The following RNPEP variants were observed in gnomAD, a reference collection of about 807,000 sequenced individuals.
RNPEP encodes the protein arginyl aminopeptidase.
RNPEP carries 57 observed loss-of-function variants against 70.1 expected under a neutral mutation model. That is an observed-to-expected ratio of 0.81 (90% CI 0.66 to 1.01). The LOEUF is 1.01. Ranked by LOEUF, RNPEP falls within the 50% of genes least tolerant of loss-of-function variation. RNPEP has a pLI of 0.00. For synonymous variants in RNPEP, 335 were observed against 357.4 expected (o/e 0.94, Z 0.71); for missense variants, 787 against 852.4 (o/e 0.92, Z 0.96).
chr1:201,987,060 T>C (rs1348265816), intron 1 of RNPEP, among the ~76,000 whole-genome samples: 2 of 152,160 alleles, frequency 1.3e-5, no homozygotes, highest in African/African-American at 4.8e-5. Context: ...CGTAGCTTCC[T>C]TATGCCTCTT....
At position 201,988,949 on chromosome 1, in the gene RNPEP, T is replaced by C; in HGVS notation, c.493T>C (p.Phe165Leu). ...PEQTAGKKKPFVYTQGQAVLN... is the reference protein window; with the variant it reads ...PEQTAGKKKPLVYTQGQAVLN... Reference sequence around the variant, plus strand: ...GCAGACAGCAGGAAAGAAGAAGCCCTTCGTGTACACCCAGGGCCAGGCTGT... The same window carrying C: ...GCAGACAGCAGGAAAGAAGAAGCCCCTCGTGTACACCCAGGGCCAGGCTGT... Residue 165 changes from phenylalanine (F) to leucine (L), a missense_variant, in exon 2 of 11, where the codon TTC becomes CTC. Transcript: ENST00000295640. The C allele has an allele frequency of 1.2e-6, 2 of 1,613,870 alleles. No homozygotes were observed. The highest frequency in any genetic ancestry group is 8.5e-7 in the Non-Finnish European group (1 of 1,179,886).
In RNPEP at chr1:201,982,981, G is replaced by A. The variant is rs1682993410; in HGVS notation, c.315G>A (p.Ala105=). The change falls in exon 1 of 11, where the codon GCG becomes GCA. Residue 105 remains alanine (A), a synonymous_variant. Coordinates refer to ENST00000295640, the MANE Select transcript of RNPEP (RefSeq NM_020216.4). The part of the protein sequence containing the change: ...RERPGSEEPP[A]EPVSFYTQPF... ...GGCCCGGCTCGGAGGAGCCGCCTGC[G>A]GAGCCCGTGAGCTTCTACACGCAGC... is the stretch of plus-strand genomic sequence containing the variant. The A allele has an allele frequency of 1.3e-6, 2 of 1,511,142 alleles. No individual in the cohort carries two copies. The highest frequency in any genetic ancestry group is 1.5e-5 in the African/African-American group (1 of 68,790). The allele number at this position is 1,511,142 out of a possible 1,614,324, so 93.6% of individuals were successfully genotyped here. A position where few individuals can be genotyped will look rare whatever the true frequency, so the allele number is the denominator to read the frequency against.
chr1:201,999,799 C>A, intron 5 of RNPEP, 103 bp from the exon 6 acceptor site: 1 of 856,126 alleles, frequency 1.2e-6, no homozygotes, highest in Non-Finnish European at 1.9e-6. Context: ...TGTCGCTGTT[C>A]TTCTTGAGGC....
At chr1:201,995,949 T>A in intron 3 of RNPEP, 198 bp from the exon 4 acceptor site, 3 of 570,972 alleles carry the variant, frequency 5.3e-6, no homozygotes, top group Non-Finnish European at 9.3e-6. Flanking sequence ...CATGAGGCTG[T>A]CTTGGGTTCT....
intron 3 of RNPEP, among the ~76,000 whole-genome samples, chr1:201,994,660 A>G (rs985620181): frequency 6.8e-6 from 1 of 146,172 alleles, no homozygotes; most frequent in Non-Finnish European, 1.5e-5. Flanking sequence ...CCACTTTGCC[A>G]TCAGTCTCTT....
intron 5 of RNPEP, among the ~76,000 whole-genome samples, chr1:201,998,024 A>G (rs995898814): frequency 2.0e-5 from 3 of 152,164 alleles, no homozygotes; most frequent in Admixed American, 2.0e-4. Context: ...CGGCCTCTCA[A>G]AGTGCCAGGA....
chr1:201,997,323 G>A lies in RNPEP; in HGVS notation c.859G>A (p.Asp287Asn). 2 of 1,614,086 alleles carry A rather than the reference G, an allele frequency of 1.2e-6. No individual in the cohort carries two copies. The highest frequency in any genetic ancestry group is 1.7e-6 in the Non-Finnish European group (2 of 1,179,948). ...GACCTCCCCGCTTCTCGGCAGGTAT[G>A]ACTTGCTCTTCATGCCACCGTCCTT... ...LFGPYVWGRY[D>N]LLFMPPSFPF... The change falls in exon 5 of 11, where the codon GAC becomes AAC. Residue 287 changes from aspartate to asparagine, a missense_variant. By Grantham distance (23) the Asp-to-Asn change is conservative. Transcript: ENST00000295640.
chr1:202,002,548 C>T (rs1344800715), intron 8 of RNPEP, among the ~76,000 whole-genome samples: 1 of 152,218 alleles, frequency 6.6e-6, no homozygotes, highest in Non-Finnish European at 1.5e-5. Context: ...GACATACCCC[C>T]ACTTCTTGCT....
chr1:201,983,115 T>G lies in RNPEP; in HGVS notation c.447+2T>G, dbSNP rs1571616727. Reference sequence around the variant, plus strand: ...TACCGCGTCGGGGAGGGACCCGGGGTGAGTGCGCCCCAGACTGCGCCCGCC... The same window carrying G: ...TACCGCGTCGGGGAGGGACCCGGGGGGAGTGCGCCCCAGACTGCGCCCGCC... On this transcript the variant is annotated splice_donor_variant, in intron 1 of 10. Coordinates refer to ENST00000295640, the MANE Select transcript of RNPEP (RefSeq NM_020216.4). LOFTEE classifies it high-confidence loss of function. 1 of 1,470,096 alleles carries G rather than the reference T, an allele frequency of 6.8e-7. No homozygotes were observed. 91.1% of individuals were successfully genotyped at this position (1,470,096 alleles called of 1,614,324 possible).
intron 1 of RNPEP, 102 bp downstream of exon 1, chr1:201,983,215 G>C: frequency 7.1e-7 from 1 of 1,418,292 alleles, no homozygotes; most frequent in Non-Finnish European, 9.1e-7. Context: ...GGACAGGGAG[G>C]ACCCTTCCAG....
At chr1:201,997,912 C>T (rs995951280) in intron 5 of RNPEP, among the ~76,000 whole-genome samples, 13 of 151,828 alleles carry the variant, frequency 8.6e-5, no homozygotes, top group African/African-American at 2.2e-4. Flanking sequence ...TACAGGCATG[C>T]GCCACCACAC....
chr1:202,001,790 A>C, intron 8 of RNPEP, 23 bp downstream of exon 8: 1 of 1,368,740 alleles, frequency 7.3e-7, no homozygotes, highest in Non-Finnish European at 1.0e-6. Context: ...ACTGGCCCAC[A>C]GGCTTCTAAA....
At position 201,982,709 on chromosome 1, in the gene RNPEP, CG is replaced by C; in HGVS notation, c.45del (p.Pro16ArgfsTer44). 7.1e-7 allele frequency: 1 copy of C among 1,399,150 alleles called. No homozygotes were observed. Among genetic ancestry groups the C allele is most frequent in the Non-Finnish European group, 9.3e-7 (1 of 1,070,624 alleles). 86.7% of individuals were successfully genotyped at this position (1,399,150 alleles called of 1,614,324 possible). ...EHSPGSGAAR[R>X]PLHSAQAVDV... Reference sequence around the variant, plus strand: ...TTCCCCCGGCAGCGGCGCGGCCCGGCGGCCGCTGCACTCCGCGCAGGCTGTG... The same window carrying C: ...TTCCCCCGGCAGCGGCGCGGCCCGGCGCCGCTGCACTCCGCGCAGGCTGTG... On this transcript the variant is annotated frameshift_variant, in exon 1 of 11. Transcript: ENST00000295640. LOFTEE classifies it high-confidence loss of function.
intron 8 of RNPEP, among the ~76,000 whole-genome samples, chr1:202,002,653 C>T (rs1187988304): frequency 1.3e-5 from 2 of 152,178 alleles, no homozygotes; most frequent in Non-Finnish European, 2.9e-5. Flanking sequence ...ACCTACTGTT[C>T]GGTTGGAGGC....
chr1:201,982,739 G>A lies in RNPEP; in HGVS notation c.73G>A (p.Val25Met). Residue 25 changes from valine (V) to methionine (M), a missense_variant, in exon 1 of 11, where the codon GTG (valine) becomes ATG (methionine). Transcript: ENST00000295640. ...RPLHSAQAVDVASASNFRAFE... is the reference protein window; with the variant it reads ...RPLHSAQAVDMASASNFRAFE... ...GCTGCACTCCGCGCAGGCTGTGGAC[G>A]TGGCCTCGGCCTCCAACTTCCGGGC... The A allele has an allele frequency of 1.4e-6, 2 of 1,385,498 alleles. No individual in the cohort carries two copies. The highest frequency in any genetic ancestry group is 3.7e-5 in the Admixed American group (1 of 27,150). 85.8% of individuals were successfully genotyped at this position (1,385,498 alleles called of 1,614,324 possible).
intron 3 of RNPEP, among the ~76,000 whole-genome samples, chr1:201,994,512 TC>T (rs1683469081): frequency 6.6e-6 from 1 of 152,162 alleles, no homozygotes; most frequent in African/African-American, 2.4e-5. Context: ...TATGCAGTGT[TC>T]CATGGCTACG....
In RNPEP at chr1:201,997,487, G is replaced by A. The variant is rs866916403; in HGVS notation, c.1023G>A (p.Trp341Ter). 3.1e-6 allele frequency: 5 copies of A among 1,614,088 alleles called. No homozygotes were observed. In the African/African-American group the frequency reaches 5.3e-5, roughly 17 times the overall value. ...GGAACCTGGTCACCAACGCCAACTGGGGTGAATTCTGGCTCAATGAAGGTT... is the reference window on the plus strand; with the variant it reads ...GGAACCTGGTCACCAACGCCAACTGAGGTGAATTCTGGCTCAATGAAGGTT... ...WFGNLVTNAN[W>*]GEFWLNEGFT... Residue 341 changes from tryptophan (W) to a stop codon, truncating the protein, a stop_gained, in exon 5 of 11, where the codon TGG (tryptophan) becomes TGA (stop). Transcript: ENST00000295640. LOFTEE classifies it high-confidence loss of function.
rs1683593653 is a variant in RNPEP at position 201,997,375 on chromosome 1, G to A, written c.911G>A (p.Cys304Tyr). ...SFPFGGMENP[C>Y]LTFVTPCLLA... is the part of the protein sequence containing the mutation. ...CCATTTGGAGGAATGGAGAACCCTT[G>A]TCTGACCTTTGTCACCCCCTGCCTG... The change falls in exon 5 of 11, where the codon TGT becomes TAT. Residue 304 changes from cysteine (C) to tyrosine (Y), a missense_variant. Coordinates refer to ENST00000295640, the MANE Select transcript of RNPEP (RefSeq NM_020216.4). 1 of 1,614,008 alleles carries A rather than the reference G, an allele frequency of 6.2e-7. No individual in the cohort carries two copies. Among genetic ancestry groups the A allele is most frequent in the Non-Finnish European group, 8.5e-7 (1 of 1,180,018 alleles).
In RNPEP at chr1:201,988,971, C is replaced by G. The variant is rs1683228659; in HGVS notation, c.515C>G (p.Ala172Gly). The change falls in exon 2 of 11, where the codon GCT becomes GGT. Residue 172 changes from alanine to glycine, a missense_variant. Ala to Gly is a moderately conservative substitution (Grantham distance 60). Transcript: ENST00000295640. The part of the protein sequence containing the change: ...KKPFVYTQGQ[A>G]VLNRAFFPCF... ...CCCTTCGTGTACACCCAGGGCCAGG[C>G]TGTCCTAAACCGGGCCTTCTTCCCT... 1 of 1,614,136 alleles carries G rather than the reference C, an allele frequency of 6.2e-7. No individual in the cohort carries two copies. The highest frequency in any genetic ancestry group is 8.5e-7 in the Non-Finnish European group (1 of 1,180,022).
Sources: allele counts gnomAD v4.1 joint callset (sites outside exome capture counted in the v4.1 genomes callset), GRCh38; gene constraint gnomAD v4.1.1; transcripts MANE v1.5; gene names NCBI Gene and HGNC (gene_info 2026-07-23, HGNC 2026-07-21).